RAI14: variants seen among roughly 807,000 people sequenced by gnomAD.
RAI14 encodes the protein retinoic acid induced 14, also known as ankycorbin.
In RAI14, 45 loss-of-function variants were observed where a neutral mutation model predicts 115.4. The ratio of observed to expected loss-of-function variants is 0.39; its 90% CI spans 0.31 to 0.50. The LOEUF (loss-of-function observed/expected upper bound fraction) is 0.50. RAI14 is among the 20% of genes least tolerant of loss of function. The probability of loss-of-function intolerance (pLI) is 0.85; values close to 1 mark genes in which losing one functional copy is unlikely to be tolerated. For missense variants in RAI14, 939 were observed against 1,131.2 expected, an observed-to-expected ratio of 0.83 and a Z score of 2.44; for synonymous variants, 371 against 415.4, an observed-to-expected ratio of 0.89 and a Z score of 1.30.
At chr5:34,787,541 A>T (rs892877244) in intron 3 of RAI14, among the ~76,000 whole-genome samples, 1 of 152,194 alleles carries the variant, frequency 6.6e-6, no homozygotes, top group Non-Finnish European at 1.5e-5. Flanking sequence ...GAATAGGCAA[A>T]TCCATAGAAA....
chr5:34,705,482 C>T (rs1740600082), intron 2 of RAI14, among the ~76,000 whole-genome samples: 2 of 151,990 alleles, frequency 1.3e-5, no homozygotes, highest in Admixed American at 1.3e-4. Flanking sequence ...TATTATATAT[C>T]TCTTGGATAG....
chr5:34,718,857 G>A (rs1368522285), intron 2 of RAI14, among the ~76,000 whole-genome samples: 1 of 152,174 alleles, frequency 6.6e-6, no homozygotes, highest in Non-Finnish European at 1.5e-5. Context: ...GCGCAGGAAA[G>A]GTGGCACTTA....
intron 1 of RAI14, chr5:34,684,600 G>A (rs975279336): frequency 6.6e-6 from 1 of 152,224 alleles, no homozygotes; most frequent in Non-Finnish European, 1.5e-5. Context: ...TGTCATCAAA[G>A]TGCTTCATGA....
intron 2 of RAI14, among the ~76,000 whole-genome samples, chr5:34,754,428 G>A (rs924787956): frequency 3.3e-5 from 5 of 152,050 alleles, no homozygotes; most frequent in African/African-American, 4.8e-5. Context: ...TAGAGATGGC[G>A]TCTCACTGTG....
chr5:34,686,801 C>A, intron 1 of RAI14, 71 bp from the exon 2 acceptor site: 3 of 994,916 alleles, frequency 3.0e-6, no homozygotes, highest in Non-Finnish European at 4.5e-6. Flanking sequence ...TCCCATGACC[C>A]AAGTTGTAAT....
intron 1 of RAI14, among the ~76,000 whole-genome samples, chr5:34,684,093 C>T (rs1744611420): frequency 6.6e-6 from 1 of 150,496 alleles, no homozygotes. Context: ...AGTTAGCCAG[C>T]GACAGTTGGG....
At chr5:34,830,243 C>G (rs755398157) in intron 17 of RAI14, among the ~76,000 whole-genome samples, 63 of 152,174 alleles carry the variant, frequency 4.1e-4, no homozygotes, top group Admixed American at 1.3e-3. Flanking sequence ...TTCGGCCTCC[C>G]AAAGTGCTGA....
intron 1 of RAI14, among the ~76,000 whole-genome samples, chr5:34,679,991 T>G (rs1223720989): frequency 6.6e-6 from 1 of 152,224 alleles, no homozygotes; most frequent in Non-Finnish European, 1.5e-5. Flanking sequence ...CGTGTTCACC[T>G]GTAAAACATT....
chr5:34,823,493 G>A lies in RAI14; in HGVS notation c.1651G>A (p.Glu551Lys). Residue 551 changes from glutamate to lysine, a missense_variant, in exon 15 of 18, where the codon GAG (glutamate) becomes AAG (lysine). Physicochemically the swap from Glu to Lys is moderately conservative, Grantham distance 56 (BLOSUM62 1). Coordinates refer to ENST00000265109, the MANE Select transcript of RAI14 (RefSeq NM_015577.3). This position sits in a 1 kb window ranked among gnomAD's most constrained non-coding sequence, Gnocchi z 4.5. ...NALEESERNKEKVRELEEKLV... is the reference protein window; with the variant it reads ...NALEESERNKKKVRELEEKLV... The stretch of plus-strand genomic sequence containing the variant: ...ATTAGAAGAAAGTGAAAGAAATAAA[G>A]AGAAAGTGAGAGAGTTAGAGGAAAA... 6.2e-7 allele frequency: 1 copy of A among 1,614,120 alleles called. No individual in the cohort carries two copies. The highest frequency in any genetic ancestry group is 8.5e-7 in the Non-Finnish European group (1 of 1,180,004).
chr5:34,809,976 T>A (rs76413905), intron 7 of RAI14, among the ~76,000 whole-genome samples: 1,559 of 152,258 alleles, frequency 0.01, 32 homozygotes, highest in African/African-American at 0.034. Context: ...CATACACTTA[T>A]ATTTGATGGA....
At chr5:34,682,047 G>A (rs1193050234) in intron 1 of RAI14, among the ~76,000 whole-genome samples, 1 of 151,920 alleles carries the variant, frequency 6.6e-6, no homozygotes. Context: ...TAGAGACAGG[G>A]TTTCACCATG....
chr5:34,776,093 A>G (rs1208540871), intron 3 of RAI14, among the ~76,000 whole-genome samples: 3 of 152,208 alleles, frequency 2.0e-5, no homozygotes, highest in African/African-American at 7.2e-5. Context: ...CAGCCATAAA[A>G]AAAGAATGAG....
intron 4 of RAI14, among the ~76,000 whole-genome samples, chr5:34,799,493 G>C (rs13162585): frequency 2.4e-3 from 293 of 123,950 alleles, no homozygotes; most frequent in East Asian, 8.2e-3. Context: ...CACACACACA[G>C]ACACACACAC....
At chr5:34,729,078 T>C (rs1743843723) in intron 2 of RAI14, among the ~76,000 whole-genome samples, 2 of 152,170 alleles carry the variant, frequency 1.3e-5, no homozygotes, top group Admixed American at 1.3e-4. Context: ...TTGATAAAGC[T>C]AGTGAGGCAA....
intron 2 of RAI14, among the ~76,000 whole-genome samples, chr5:34,754,037 T>C (rs6869101): frequency 0.7 from 106,620 of 151,270 alleles, 37,887 homozygotes; most frequent in South Asian, 0.83. Flanking sequence ...GCCAAGATCG[T>C]GCCACTGCAC....
At position 34,729,129 on chromosome 5, in the gene RAI14, G is replaced by C. The variant is rs150217582; in HGVS notation, c.37-28339G>C. On this transcript the variant is annotated intron_variant, in intron 2 of 17. Transcript: ENST00000265109. ...GCCTAGCACTTAGTAGGTATATGTG[G>C]GTGGATCCTTTGAGCCCAGGAGTTC... Among the ~76,000 whole-genome samples the C allele has an allele frequency of 8.5e-5, 13 of 152,170 alleles. No individual in the cohort carries two copies. The East Asian group carries it at 2.1e-3, about 25-fold the overall frequency.
chr5:34,763,910 G>C (rs763739538), intron 3 of RAI14, among the ~76,000 whole-genome samples: 10 of 152,162 alleles, frequency 6.6e-5, no homozygotes, highest in Non-Finnish European at 1.3e-4. Flanking sequence ...GAGTACAGTG[G>C]AGTGGTTTCG....
chr5:34,771,418 T>C (rs1750144585), intron 3 of RAI14, among the ~76,000 whole-genome samples: 1 of 152,220 alleles, frequency 6.6e-6, no homozygotes, highest in Non-Finnish European at 1.5e-5. Flanking sequence ...GAGAGAAATT[T>C]TCAGTGAATG....
chr5:34,755,521 C>T lies in RAI14; in HGVS notation c.37-1947C>T, dbSNP rs1244694413. Among the ~76,000 whole-genome samples, 3 of 152,174 alleles carry T rather than the reference C, an allele frequency of 2.0e-5. No individual in the cohort carries two copies. In the East Asian group the frequency reaches 5.8e-4, roughly 29 times the overall value. On this transcript the variant is annotated intron_variant, in intron 2 of 17. Transcript: ENST00000265109. Reference sequence around the variant, plus strand: ...CCACAAGTGGCTCATGCAGTATTGACATTTTGGGCCAGATTATTCTTGGTG... The same window carrying T: ...CCACAAGTGGCTCATGCAGTATTGATATTTTGGGCCAGATTATTCTTGGTG...
Sources: gnomAD v4.1 joint callset for allele counts (sites outside exome capture counted in the v4.1 genomes callset) on GRCh38, gnomAD v4.1.1 for gene constraint, Gnocchi (gnomAD v3.1) non-coding constraint, MANE v1.5 for transcripts, NCBI Gene and HGNC (gene_info 2026-07-23, HGNC 2026-07-21) for gene names.